Variants in ITGA4 observed in about 807,000 individuals in gnomAD.
ITGA4 encodes the protein integrin subunit alpha 4, also known as integrin alpha-4.
In ITGA4, 63 loss-of-function variants were observed where a neutral mutation model predicts 133.6. The observed-to-expected ratio is 0.47, with a 90% CI of 0.38 to 0.58. ITGA4 has a LOEUF of 0.58. ITGA4 is among the 20% of genes least tolerant of loss of function. The probability of loss-of-function intolerance (pLI) is 0.00; values close to 1 mark genes in which losing one functional copy is unlikely to be tolerated. For synonymous variants in ITGA4, 483 were observed against 438.0 expected (o/e 1.10, Z -1.28); for missense variants, 1,076 against 1,252.7 (o/e 0.86, Z 2.13).
Position 181,536,839 on chromosome 2 carries a change from C to T in ITGA4, c.*1312C>T, listed in dbSNP as rs2368214. 387,187 of 388,496 alleles carry T rather than the reference C, an allele frequency of 1. 192,962 individuals are homozygous for T. Among genetic ancestry groups the T allele is most frequent in the Non-Finnish European group, 1 (193,986 of 194,004 alleles). The allele number at this position is 388,496 out of a possible 1,614,324, so 24.1% of individuals were successfully genotyped here. A position where few individuals can be genotyped will look rare whatever the true frequency, so the allele number is the denominator to read the frequency against. On this transcript the variant is annotated 3_prime_UTR_variant, in exon 28 of 28. Transcript: ENST00000397033. ...CAGAATATCATTTTATCTGACTCTG[C>T]CTTCATAAGAGAGCTGTGGCCGAAT...
intron 25 of ITGA4, among the ~76,000 whole-genome samples, chr2:181,532,743 T>G (rs534408324): frequency 1.3e-5 from 2 of 152,328 alleles, no homozygotes; most frequent in East Asian, 3.9e-4. Flanking sequence ...TGCTTTCTCT[T>G]GCCTGATTGC....
chr2:181,498,599 T>C, intron 14 of ITGA4, 24 bp from the exon 15 acceptor site: 1 of 1,484,320 alleles, frequency 6.7e-7, no homozygotes, highest in Non-Finnish European at 9.3e-7. Context: ...ATTAGATTAA[T>C]TGCAATTCTC....
Position 181,531,813 on chromosome 2 carries a change from A to G in ITGA4, c.2784+37A>G, listed in dbSNP as rs199520207. On this transcript the variant is annotated intron_variant, in intron 25 of 27. Coordinates refer to ENST00000397033, the MANE Select transcript of ITGA4 (RefSeq NM_000885.6). ...TAAAACATTGACAACTTGGTGGCTA[A>G]GTTTACATAAAATCTATAAATTCAG... 2.9e-5 allele frequency: 44 copies of G among 1,492,758 alleles called. 1 individual carries two copies. The highest frequency in any genetic ancestry group is 3.7e-5 in the Non-Finnish European group (41 of 1,106,252). 92.5% of individuals were successfully genotyped at this position (1,492,758 alleles called of 1,614,324 possible). A position where few individuals can be genotyped will look rare whatever the true frequency, so the allele number is the denominator to read the frequency against.
At chr2:181,463,731 A>G (rs530827641) in intron 2 of ITGA4, among the ~76,000 whole-genome samples, 33 of 152,268 alleles carry the variant, frequency 2.2e-4, no homozygotes, top group Non-Finnish European at 4.9e-4. Flanking sequence ...TTCTATGATC[A>G]GTTCCATGTA....
At chr2:181,502,638 G>A (rs780872150) in intron 15 of ITGA4, among the ~76,000 whole-genome samples, 9 of 152,070 alleles carry the variant, frequency 5.9e-5, no homozygotes, top group Non-Finnish European at 1.3e-4. Flanking sequence ...AGTGAACTAA[G>A]AAGCAAACTC....
At chr2:181,486,127 T>C in intron 10 of ITGA4, 135 bp downstream of exon 10, 1 of 1,160,964 alleles carries the variant, frequency 8.6e-7, no homozygotes, top group South Asian at 1.8e-5. Context: ...TTTTTTCTTT[T>C]CTTTAGTGTT....
In ITGA4 at chr2:181,475,237, C is replaced by G. The variant is rs778977238; in HGVS notation, c.505C>G (p.Pro169Ala). Residue 169 changes from proline (P) to alanine (A), a missense_variant, in exon 4 of 28, where the codon CCC becomes GCC. Coordinates refer to ENST00000397033, the MANE Select transcript of ITGA4 (RefSeq NM_000885.6). Reference protein sequence around the residue: ...KLPTGGCYGVPPDLRTELSKR... With the variant: ...KLPTGGCYGVAPDLRTELSKR... ...CCCCACTGGTGGTTGCTATGGAGTG[C>G]CCCCTGATTTACGAACAGAACTGAG... 2.5e-6 allele frequency: 4 copies of G among 1,611,964 alleles called. No homozygotes were observed. The highest frequency in any genetic ancestry group is 3.4e-6 in the Non-Finnish European group (4 of 1,178,100).
chr2:181,498,385 GT>G, intron 14 of ITGA4: 1 of 250,560 alleles, frequency 4.0e-6, no homozygotes, highest in Non-Finnish European at 7.5e-6. Flanking sequence ...AGATTTTAAT[GT>G]TGTTAATAGA....
chr2:181,504,272 T>C (rs970533933), intron 15 of ITGA4, among the ~76,000 whole-genome samples: 1 of 152,064 alleles, frequency 6.6e-6, no homozygotes, highest in African/African-American at 2.4e-5. Flanking sequence ...TAGTTAATTC[T>C]TTTCTTTGAT....
At chr2:181,500,517 G>C (rs944829587) in intron 15 of ITGA4, among the ~76,000 whole-genome samples, 1 of 152,144 alleles carries the variant, frequency 6.6e-6, no homozygotes. Flanking sequence ...GACGCATAGC[G>C]GTTGGGATGC....
rs918052119 is a variant in ITGA4, at chr2:181,538,393, C to CTGAT, written c.*2871_*2874dup. ...CTGTAATCTAGAAAACTGAGAAGGT[C>CTGAT]TGATTGATAAATCATCAACAACAAT... is the stretch of plus-strand genomic sequence containing the variant. On this transcript the variant is annotated 3_prime_UTR_variant, in exon 28 of 28. Coordinates refer to ENST00000397033, the MANE Select transcript of ITGA4 (RefSeq NM_000885.6). 13 of 610,976 alleles carry CTGAT rather than the reference C, an allele frequency of 2.1e-5. No individual in the cohort carries two copies. The highest frequency in any genetic ancestry group is 3.7e-5 in the African/African-American group (2 of 53,702). The allele number at this position is 610,976 out of a possible 1,614,324, so 37.8% of individuals were successfully genotyped here.
At position 181,538,264 on chromosome 2, in the gene ITGA4, T is replaced by G. The variant is rs749423367; in HGVS notation, c.*2737T>G. The G allele has an allele frequency of 2.1e-5, 30 of 1,457,156 alleles. No homozygotes were observed. In the African/African-American group the frequency reaches 3.9e-4, roughly 19 times the overall value. The allele number at this position is 1,457,156 out of a possible 1,614,324, so 90.3% of individuals were successfully genotyped here. A position where few individuals can be genotyped will look rare whatever the true frequency, so the allele number is the denominator to read the frequency against. The stretch of plus-strand genomic sequence containing the variant: ...TGCAATCTGTAAAGAAAATACATTA[T>G]TTCATCAACTTATTTTGTTGTTTTT... On this transcript the variant is annotated 3_prime_UTR_variant, in exon 28 of 28. Coordinates refer to ENST00000397033, the MANE Select transcript of ITGA4 (RefSeq NM_000885.6).
At chr2:181,504,012 C>A (rs1292316648) in intron 15 of ITGA4, among the ~76,000 whole-genome samples, 1 of 151,962 alleles carries the variant, frequency 6.6e-6, no homozygotes, top group East Asian at 1.9e-4. Context: ...GATGATATCT[C>A]TTGGTTGAAC....
intron 15 of ITGA4, among the ~76,000 whole-genome samples, chr2:181,505,526 C>T (rs1025120367): frequency 2.0e-5 from 3 of 152,050 alleles, no homozygotes; most frequent in Non-Finnish European, 2.9e-5. Context: ...ATAGATAGCA[C>T]ATGCCCATCC....
intron 2 of ITGA4, among the ~76,000 whole-genome samples, chr2:181,468,092 C>T (rs1685463054): frequency 6.6e-6 from 1 of 152,164 alleles, no homozygotes; most frequent in South Asian, 2.1e-4. Context: ...GGCTGTCATC[C>T]AAGCACGTCA....
chr2:181,529,627 G>A lies in ITGA4; in HGVS notation c.2517G>A (p.Leu839=). 1 of 1,588,280 alleles carries A rather than the reference G, an allele frequency of 6.3e-7. No homozygotes were observed. Among genetic ancestry groups the A allele is most frequent in the South Asian group, 1.1e-5 (1 of 90,068 alleles). Residue 839 remains leucine, a synonymous_variant, in exon 23 of 28, where the codon CTG becomes CTA. Transcript: ENST00000397033. The part of the protein sequence containing the change: ...PNSFSPQTDK[L]FNILDVQTTT... ...CTTTTAGCCCCCAAACTGATAAGCT[G>A]TTCAACATTTTGGATGTCCAGGTAA... is the stretch of plus-strand genomic sequence containing the variant.
rs199901343 is a variant in ITGA4 at position 181,486,040 on chromosome 2, T to C, written c.1153+48T>C. 6.3e-5 allele frequency: 97 copies of C among 1,543,226 alleles called. No homozygotes were observed. The African/African-American group carries it at 1.3e-3, about 21-fold the overall frequency. On this transcript the variant is annotated intron_variant, in intron 10 of 27. Transcript: ENST00000397033. ...TACTTGATTTCTGCTTTTAAAATGG[T>C]TTATGGAAGAAAATATGATTAAAGT...
At chr2:181,498,945 G>A (rs1045326629) in intron 15 of ITGA4, 168 bp downstream of exon 15, 27 of 898,994 alleles carry the variant, frequency 3.0e-5, no homozygotes, top group Middle Eastern at 1.1e-3. Flanking sequence ...CTCAACCCAA[G>A]TAATTCAGAG....
intron 14 of ITGA4, 184 bp from the exon 15 acceptor site, chr2:181,498,439 A>T: frequency 2.8e-6 from 1 of 361,660 alleles, no homozygotes; most frequent in Non-Finnish European, 4.9e-6. Context: ...AGCAATTTTT[A>T]AAATTTGTAT....
Sources: gnomAD v4.1 joint callset for allele counts (sites outside exome capture counted in the v4.1 genomes callset) on GRCh38, gnomAD v4.1.1 for gene constraint, MANE v1.5 for transcripts, NCBI Gene and HGNC (gene_info 2026-07-23, HGNC 2026-07-21) for gene names.